Variants in RBFOX1 observed in about 807,000 individuals in gnomAD.
RBFOX1 encodes the protein RNA binding fox-1 homolog 1.
Under a neutral mutation model 57.7 loss-of-function variants are expected in RBFOX1, and 8 were observed. The ratio of observed to expected loss-of-function variants is 0.14; its 90% CI spans 0.08 to 0.25. The LOEUF (loss-of-function observed/expected upper bound fraction) is 0.25, where lower values mean the gene tolerates loss of function less well. RBFOX1 is among the 10% of genes least tolerant of loss of function. The pLI, the probability that RBFOX1 is intolerant of heterozygous loss-of-function variation, is 1.00. For missense variants in RBFOX1, 611 were observed against 548.5 expected, an observed-to-expected ratio of 1.11 and a Z score of -1.14; for synonymous variants, 326 against 222.4, an observed-to-expected ratio of 1.47 and a Z score of -4.15.
chr16:7,549,920 C>CTCTTTT (rs561847996), intron 5 of RBFOX1, among the ~76,000 whole-genome samples: 1 of 152,032 alleles, frequency 6.6e-6, no homozygotes, highest in South Asian at 2.1e-4. Context: ...TCATATCCTT[C>CTCTTTT]TCTTTTTCTT....
rs536428479 is a variant in RBFOX1 at position 7,492,028 on chromosome 16, G to C, written c.28-26119G>C. Among the ~76,000 whole-genome samples the C allele has an allele frequency of 3.9e-5, 6 of 152,204 alleles. No individual in the cohort carries two copies. In the South Asian group the frequency reaches 1.2e-3, roughly 32 times the overall value. The stretch of plus-strand genomic sequence containing the variant: ...TCAGCCTACTTTGTTCACATTTCCA[G>C]CATCAGAATCCTGTGTTCCATGCTT... On this transcript the variant is annotated intron_variant, in intron 4 of 15. Transcript: ENST00000550418.
intron 2 of RBFOX1, among the ~76,000 whole-genome samples, chr16:6,640,842 G>A (rs75587248): frequency 0.018 from 2,693 of 152,056 alleles, 84 homozygotes; most frequent in African/African-American, 0.061. Flanking sequence ...TCATGTTCTA[G>A]CCCCATCTTA....
At chr16:6,357,570 T>G (rs966512183) in intron 2 of RBFOX1, among the ~76,000 whole-genome samples, 1 of 151,960 alleles carries the variant, frequency 6.6e-6, no homozygotes, top group East Asian at 1.9e-4. Context: ...TTGCTTGCTC[T>G]CTCTCTCTCT....
intron 3 of RBFOX1, among the ~76,000 whole-genome samples, chr16:6,724,887 C>T (rs1413015173): frequency 6.6e-6 from 1 of 152,064 alleles, no homozygotes; most frequent in East Asian, 1.9e-4. Flanking sequence ...CCCCCAAAGC[C>T]ATATAGGGTA....
At chr16:5,430,677 A>G (rs573441785) in intron 1 of RBFOX1, among the ~76,000 whole-genome samples, 17 of 152,338 alleles carry the variant, frequency 1.1e-4, no homozygotes, top group Admixed American at 9.8e-4. Flanking sequence ...TGGTCAAGGT[A>G]TTTTTAGGTG....
chr16:5,970,182 T>C (rs895986542), intron 4 of RBFOX1, among the ~76,000 whole-genome samples: 1 of 152,158 alleles, frequency 6.6e-6, no homozygotes, highest in Non-Finnish European at 1.5e-5. Context: ...GGGATATGGA[T>C]GGTTGGTCTC....
chr16:5,745,321 A>G (rs899444353), intron 3 of RBFOX1, among the ~76,000 whole-genome samples: 4 of 152,058 alleles, frequency 2.6e-5, no homozygotes, highest in Admixed American at 6.6e-5. Context: ...ATGTGCCACA[A>G]TTTCTTAATC....
intron 4 of RBFOX1, among the ~76,000 whole-genome samples, chr16:5,939,186 A>G (rs1244925163): frequency 1.3e-5 from 2 of 152,228 alleles, no homozygotes; most frequent in African/African-American, 2.4e-5. Flanking sequence ...GCATATGTAG[A>G]CATGTAACAA....
chr16:7,106,984 A>AAAAAACACAC (rs529197707), intron 4 of RBFOX1, among the ~76,000 whole-genome samples: 1 of 148,514 alleles, frequency 6.7e-6, no homozygotes, highest in Non-Finnish European at 1.5e-5. Context: ...ACACAGTTAA[A>AAAAAACACAC]ACACACACAC....
At chr16:6,871,006 A>AT (rs1265104682) in intron 3 of RBFOX1, among the ~76,000 whole-genome samples, 6 of 152,248 alleles carry the variant, frequency 3.9e-5, no homozygotes, top group Non-Finnish European at 8.8e-5. Context: ...TGAATAACAG[A>AT]TGCTCATTAA....
At chr16:5,783,533 TCACGTCTGTTTTCATCGTGG>T (rs2054396255) in intron 3 of RBFOX1, among the ~76,000 whole-genome samples, 1 of 152,230 alleles carries the variant, frequency 6.6e-6, no homozygotes, top group African/African-American at 2.4e-5. Flanking sequence ...TATCCAGACA[TCACGTCTGTTTTCATCGTGG>T]TAAATTCTCT....
intron 3 of RBFOX1, among the ~76,000 whole-genome samples, chr16:5,814,644 C>A (rs2055557377): frequency 6.6e-6 from 1 of 152,178 alleles, no homozygotes; most frequent in African/African-American, 2.4e-5. Flanking sequence ...AAATTTTATT[C>A]CTGGCCGGGC....
intron 1 of RBFOX1, among the ~76,000 whole-genome samples, chr16:5,352,694 G>T (rs1015595385): frequency 3.3e-5 from 5 of 152,182 alleles, no homozygotes; most frequent in African/African-American, 1.2e-4. Flanking sequence ...TGTAATTCCA[G>T]CACTTTGGGA....
intron 4 of RBFOX1, among the ~76,000 whole-genome samples, chr16:7,242,289 A>G (rs1271340606): frequency 5.3e-5 from 8 of 152,206 alleles, no homozygotes; most frequent in African/African-American, 1.9e-4. Context: ...ATGTCTGAAT[A>G]AAACACATGG....
intron 1 of RBFOX1, among the ~76,000 whole-genome samples, chr16:5,436,782 G>A (rs539174720): frequency 5.5e-4 from 84 of 152,016 alleles, no homozygotes; most frequent in South Asian, 4.6e-3. Context: ...AGGTTGCAGC[G>A]AGCTGAGATT....
chr16:7,258,432 A>T (rs958558144), intron 4 of RBFOX1, among the ~76,000 whole-genome samples: 1 of 151,970 alleles, frequency 6.6e-6, no homozygotes, highest in Non-Finnish European at 1.5e-5. Flanking sequence ...TGTGTGCATT[A>T]TTTGCCTGTT....
chr16:6,528,773 G>C (rs1018499785), intron 2 of RBFOX1, among the ~76,000 whole-genome samples: 1 of 152,124 alleles, frequency 6.6e-6, no homozygotes, highest in Non-Finnish European at 1.5e-5. Flanking sequence ...ACGATGGTTA[G>C]CAGCACCTTG....
chr16:6,200,991 T>C (rs1487778680), intron 1 of RBFOX1, among the ~76,000 whole-genome samples: 1 of 151,472 alleles, frequency 6.6e-6, no homozygotes, highest in East Asian at 1.9e-4. Context: ...AAATGTGAAA[T>C]CCGCATTATG....
At position 5,976,295 on chromosome 16, in the gene RBFOX1, C is replaced by T. The variant is rs775702904; in HGVS notation, c.351+108960C>T. On this transcript the variant is annotated intron_variant, in intron 4 of 19. Transcript: ENST00000641259. ...GCAACAACAGAGTTCTGTGAGCACACGAGTTAGGAAAACATCAGGATGAAA... is the reference window on the plus strand; with the variant it reads ...GCAACAACAGAGTTCTGTGAGCACATGAGTTAGGAAAACATCAGGATGAAA... Among the ~76,000 whole-genome samples the T allele has an allele frequency of 1.1e-4, 16 of 152,246 alleles. 1 individual carries two copies. The highest frequency in any genetic ancestry group is 5.8e-4 in the East Asian group (3 of 5,180).
Sources: allele counts gnomAD v4.1 joint callset (sites outside exome capture counted in the v4.1 genomes callset), GRCh38; gene constraint gnomAD v4.1.1; transcripts MANE v1.5; gene names NCBI Gene and HGNC (gene_info 2026-07-23, HGNC 2026-07-21).